RYR3: variants seen among roughly 807,000 people sequenced by gnomAD.
RYR3 encodes ryanodine receptor 3.
Under a neutral mutation model 584.3 loss-of-function variants are expected in RYR3, and 207 were observed. That is an observed-to-expected ratio of 0.35 (90% confidence interval 0.32 to 0.40). The LOEUF (loss-of-function observed/expected upper bound fraction) is 0.40. Ranked by LOEUF, RYR3 falls within the 10% of genes least tolerant of loss-of-function variation. The pLI is 1.00. For missense variants in RYR3, 5,616 were observed against 6,089.2 expected, an observed-to-expected ratio of 0.92 and a Z score of 2.59; for synonymous variants, 2,416 against 2,248.5, an observed-to-expected ratio of 1.07 and a Z score of -2.11.
intron 2 of RYR3, among the ~76,000 whole-genome samples, chr15:33,496,285 C>T (rs937130044): frequency 6.6e-5 from 10 of 152,218 alleles, no homozygotes; most frequent in Admixed American, 6.5e-5. Flanking sequence ...TCTCCACCTT[C>T]TACCAGCAGA....
intron 1 of RYR3, among the ~76,000 whole-genome samples, chr15:33,343,323 T>C (rs1215191075): frequency 2.0e-5 from 3 of 152,176 alleles, no homozygotes; most frequent in African/African-American, 7.2e-5. Flanking sequence ...GTTAAAAAAA[T>C]AAATAAATTT....
intron 52 of RYR3, among the ~76,000 whole-genome samples, chr15:33,744,420 T>C (rs1196831085): frequency 6.6e-6 from 1 of 152,206 alleles, no homozygotes; most frequent in Non-Finnish European, 1.5e-5. Flanking sequence ...TGCTCACCAG[T>C]ACCAGGCGGC....
In RYR3 at chr15:33,469,341, A is replaced by G. The variant is rs542178619; in HGVS notation, c.52-4078A>G. On this transcript the variant is annotated intron_variant, in intron 1 of 103. Coordinates refer to ENST00000634891, the MANE Select transcript of RYR3 (RefSeq NM_001036.6). ...TAGTTTGGAAATGTGGAAACCTCAG[A>G]TACTAGTTCAGGAAGTTTATGTTTT... is the stretch of plus-strand genomic sequence containing the variant. 2.0e-5 allele frequency among the ~76,000 whole-genome samples: 3 copies of G among 152,288 alleles called. No homozygotes were observed. In the East Asian group the frequency reaches 5.8e-4, roughly 29 times the overall value.
intron 99 of RYR3, chr15:33,858,134 A>C (rs2079899322): frequency 5.0e-6 from 3 of 596,614 alleles, no homozygotes; most frequent in Non-Finnish European, 8.6e-6. Flanking sequence ...CCACACATCT[A>C]AGCCCCGTGG....
intron 2 of RYR3, among the ~76,000 whole-genome samples, chr15:33,492,071 C>T (rs137967796): frequency 2.1e-3 from 313 of 152,304 alleles, no homozygotes; most frequent in Non-Finnish European, 3.9e-3. Flanking sequence ...CCATTCTATT[C>T]AAAAACTGAT....
Position 33,503,674 on chromosome 15 carries a change from A to G in RYR3, c.215A>G (p.Gln72Arg). ...DLCVCNFVLE[Q>R]SLSVRALQEM... ...TGCGTCTGCAATTTTGTGCTGGAACAGTCCCTATCTGTCAGAGCCCTGCAG... is the reference window on the plus strand; with the variant it reads ...TGCGTCTGCAATTTTGTGCTGGAACGGTCCCTATCTGTCAGAGCCCTGCAG... The change falls in exon 3 of 104, where the codon CAG (glutamine) becomes CGG (arginine). Residue 72 changes from glutamine to arginine, a missense_variant. Around this residue, in one of 9 missense-constraint regions of RYR3, gnomAD observed 1,284 missense variants for 1,344.6 expected, o/e 0.95. Coordinates refer to ENST00000634891, the MANE Select transcript of RYR3 (RefSeq NM_001036.6). 2 of 1,613,366 alleles carry G rather than the reference A, an allele frequency of 1.2e-6. No homozygotes were observed.
intron 1 of RYR3, among the ~76,000 whole-genome samples, chr15:33,383,455 A>G (rs1567135250): frequency 6.6e-6 from 1 of 151,778 alleles, no homozygotes; most frequent in Non-Finnish European, 1.5e-5. Context: ...TGGATTTCAT[A>G]ATAGCATGAG....
In RYR3 at chr15:33,818,650, C is replaced by G. The variant is rs1567235731; in HGVS notation, c.10672C>G (p.Leu3558Val). Residue 3558 changes from leucine to valine, a missense_variant, in exon 76 of 104, where the codon CTC becomes GTC. Leu to Val is a conservative substitution (Grantham distance 32). Around this residue, in one of 9 missense-constraint regions of RYR3, gnomAD observed 954 missense variants for 1,132.2 expected, o/e 0.84. Transcript: ENST00000634891. ...KQPDPLHQII[L>V]YFSRNALTER... The stretch of plus-strand genomic sequence containing the variant: ...ACCTGACCCACTACATCAGATCATT[C>G]TCTATTTTAGCCGCAACGCTCTCAC... 2 of 1,613,922 alleles carry G rather than the reference C, an allele frequency of 1.2e-6. No homozygotes were observed. Among genetic ancestry groups the G allele is most frequent in the Admixed American group, 1.7e-5 (1 of 60,020 alleles).
chr15:33,327,322 A>T (rs1450726563), intron 1 of RYR3, among the ~76,000 whole-genome samples: 1 of 152,188 alleles, frequency 6.6e-6, no homozygotes, highest in Non-Finnish European at 1.5e-5. Flanking sequence ...GTGTGTATGG[A>T]TCCTCCACTT....
intron 13 of RYR3, among the ~76,000 whole-genome samples, chr15:33,580,750 C>T (rs916683360): frequency 2.0e-5 from 3 of 152,320 alleles, no homozygotes; most frequent in Admixed American, 2.0e-4. Context: ...CATGGTTGTA[C>T]TTCTGGGCCT....
intron 27 of RYR3, among the ~76,000 whole-genome samples, chr15:33,640,927 G>C (rs2061778523): frequency 6.6e-6 from 1 of 152,124 alleles, no homozygotes; most frequent in Non-Finnish European, 1.5e-5. Flanking sequence ...TCATTAAGCT[G>C]TGTGCAATAT....
chr15:33,670,199 G>T (rs1330965096), intron 37 of RYR3, among the ~76,000 whole-genome samples: 1 of 151,428 alleles, frequency 6.6e-6, no homozygotes, highest in Non-Finnish European at 1.5e-5. Context: ...CATGTTTTAG[G>T]ATTAAACTTA....
intron 1 of RYR3, among the ~76,000 whole-genome samples, chr15:33,407,459 TC>T (rs2141443236): frequency 6.6e-6 from 1 of 152,176 alleles, no homozygotes; most frequent in African/African-American, 2.4e-5. Context: ...AAGTCCATGT[TC>T]CTGTGGTGGG....
rs138984905 is a variant in RYR3, at chr15:33,745,933, A to G, written c.7900-135A>G. ...GATGGCCTGAAAAGATCAATTAGGC[A>G]TTTTTGAGGAGAATTTCTAAGCCCT... On this transcript the variant is annotated intron_variant, in intron 52 of 103. Coordinates refer to ENST00000634891, the MANE Select transcript of RYR3 (RefSeq NM_001036.6). The G allele has an allele frequency of 4.9e-4, 327 of 671,442 alleles. No individual in the cohort carries two copies. The African/African-American group carries it at 5.3e-3, about 11-fold the overall frequency. 41.6% of individuals were successfully genotyped at this position (671,442 alleles called of 1,614,324 possible). A position where few individuals can be genotyped will look rare whatever the true frequency, so the allele number is the denominator to read the frequency against.
chr15:33,737,041 T>C (rs1450625590), intron 49 of RYR3, among the ~76,000 whole-genome samples: 1 of 152,196 alleles, frequency 6.6e-6, no homozygotes, highest in African/African-American at 2.4e-5. Context: ...ATTACAGGTA[T>C]GAGCTACTGT....
intron 98 of RYR3, among the ~76,000 whole-genome samples, chr15:33,857,276 C>T (rs897270467): frequency 3.3e-5 from 5 of 151,518 alleles, no homozygotes; most frequent in Non-Finnish European, 5.9e-5. Context: ...TCCTCAGGGG[C>T]CTCTCTGTGG....
intron 1 of RYR3, among the ~76,000 whole-genome samples, chr15:33,394,248 A>G (rs2042168785): frequency 1.3e-5 from 2 of 152,238 alleles, no homozygotes; most frequent in African/African-American, 2.4e-5. Flanking sequence ...TGCCAACCCT[A>G]TGATGAGCTG....
intron 1 of RYR3, among the ~76,000 whole-genome samples, chr15:33,320,102 G>A: frequency 6.6e-6 from 1 of 152,174 alleles, no homozygotes; most frequent in East Asian, 1.9e-4. Context: ...CCATTGTGCA[G>A]CTGCAAATAA....
Position 33,724,172 on chromosome 15 carries a change from T to C in RYR3, c.6908T>C (p.Met2303Thr), listed in dbSNP as rs772449702. 1.3e-6 allele frequency: 2 copies of C among 1,565,100 alleles called. No individual in the cohort carries two copies. The highest frequency in any genetic ancestry group is 4.5e-5 in the East Asian group (2 of 44,598). The change falls in exon 45 of 104, where the codon ATG becomes ACG. Residue 2303 changes from methionine to threonine, a missense_variant. Transcript: ENST00000634891. The stretch of plus-strand genomic sequence containing the variant: ...CTACTGGGCCGCTGTGCTCCTGAAA[T>C]GCACGTAAGTGATACAGCTTCCAGA... ...IDLLGRCAPE[M>T]HLIQTGKGEA...
Sources: allele counts gnomAD v4.1 joint callset (sites outside exome capture counted in the v4.1 genomes callset), GRCh38; gene constraint gnomAD v4.1.1; regional missense constraint gnomAD v4.1.1; transcripts MANE v1.5; gene names NCBI Gene and HGNC (gene_info 2026-07-23, HGNC 2026-07-21).